Variants in PIK3C2G observed in about 807,000 individuals in gnomAD.
The protein encoded by PIK3C2G is phosphatidylinositol 3-kinase C2 domain-containing subunit gamma.
PIK3C2G carries 168 observed loss-of-function variants against 181.1 expected under a neutral mutation model. That is an observed-to-expected ratio of 0.93 (90% CI 0.82 to 1.05). The LOEUF is 1.05. Among genes scored for constraint, PIK3C2G ranks in the 50% least tolerant of loss-of-function variants. The probability of loss-of-function intolerance (pLI) is 0.00; values close to 1 mark genes in which losing one functional copy is unlikely to be tolerated. For synonymous variants in PIK3C2G, 573 were observed against 592.2 expected (o/e 0.97, Z 0.47); for missense variants, 1,869 against 1,732.8 (o/e 1.08, Z -1.40).
At chr12:18,430,498 T>C (rs1425292267) in intron 18 of PIK3C2G, among the ~76,000 whole-genome samples, 2 of 152,168 alleles carry the variant, frequency 1.3e-5, no homozygotes, top group Non-Finnish European at 2.9e-5. Flanking sequence ...CACTGATATA[T>C]CACAAGTACC....
chr12:18,280,822 T>C (rs1949180920), intron 1 of PIK3C2G, among the ~76,000 whole-genome samples: 1 of 151,758 alleles, frequency 6.6e-6, no homozygotes, highest in Non-Finnish European at 1.5e-5. Flanking sequence ...AGTGAAAATA[T>C]GAAAGCTTTA....
intron 16 of PIK3C2G, among the ~76,000 whole-genome samples, chr12:18,414,141 A>G (rs1028664934): frequency 3.3e-5 from 5 of 152,126 alleles, no homozygotes; most frequent in Admixed American, 6.6e-5. Context: ...TAAAAAGTAG[A>G]ATGCTTGCTC....
the PIK3C2G span, among the ~76,000 whole-genome samples, chr12:18,702,275 G>A: frequency 6.6e-6 from 1 of 151,752 alleles, no homozygotes; most frequent in African/African-American, 2.4e-5. Flanking sequence ...AATTTCTTCT[G>A]TATTACACAT....
chr12:18,497,459 C>T (rs1394141802), intron 21 of PIK3C2G, among the ~76,000 whole-genome samples, 160 bp from the exon 22 acceptor site: 2 of 152,032 alleles, frequency 1.3e-5, no homozygotes, highest in Non-Finnish European at 2.9e-5. Flanking sequence ...TTTTTTTTAT[C>T]AGAAACACAA....
chr12:18,661,813 G>T, the PIK3C2G span, among the ~76,000 whole-genome samples: 1 of 152,096 alleles, frequency 6.6e-6, no homozygotes, highest in Admixed American at 6.6e-5. Context: ...AATATAAATT[G>T]TTCTACCGTT....
intron 8 of PIK3C2G, among the ~76,000 whole-genome samples, chr12:18,336,444 T>G (rs183968271): frequency 4.8e-4 from 73 of 152,262 alleles, no homozygotes; most frequent in African/African-American, 1.7e-3. Flanking sequence ...TTCCAATTTG[T>G]TTAGTACTTT....
At chr12:18,336,562 A>T (rs1392010162) in intron 8 of PIK3C2G, among the ~76,000 whole-genome samples, 1 of 152,090 alleles carries the variant, frequency 6.6e-6, no homozygotes. Flanking sequence ...ATTCTATTTA[A>T]TTGTGAACTG....
upstream of PIK3C2G, among the ~76,000 whole-genome samples, chr12:18,243,011 C>T (rs1369830652): frequency 6.6e-6 from 1 of 152,108 alleles, no homozygotes; most frequent in Non-Finnish European, 1.5e-5. Flanking sequence ...GGCATTTCTA[C>T]TGGCCAGAGA....
chr12:18,410,452 C>T (rs554453462), intron 16 of PIK3C2G, among the ~76,000 whole-genome samples: 13 of 150,384 alleles, frequency 8.6e-5, no homozygotes, highest in African/African-American at 3.2e-4. Flanking sequence ...TTGCAGTGAG[C>T]CAAGATTGCG....
the PIK3C2G span, among the ~76,000 whole-genome samples, chr12:18,654,062 A>G: frequency 6.6e-6 from 1 of 152,206 alleles, no homozygotes; most frequent in East Asian, 1.9e-4. Flanking sequence ...GGAAAATAAA[A>G]TAGAATGTGT....
the PIK3C2G span, among the ~76,000 whole-genome samples, chr12:18,669,692 C>G: frequency 2.0e-5 from 3 of 151,972 alleles, no homozygotes; most frequent in Non-Finnish European, 4.4e-5. Flanking sequence ...GATTCTCGCT[C>G]TGTCACCCAG....
At chr12:18,472,345 G>T (rs896199686) in intron 18 of PIK3C2G, among the ~76,000 whole-genome samples, 2 of 152,102 alleles carry the variant, frequency 1.3e-5, no homozygotes. Context: ...TGTGTCCAAA[G>T]ACGTTCTTTA....
chr12:18,548,198 A>G (rs548316285), intron 26 of PIK3C2G, among the ~76,000 whole-genome samples: 1 of 151,988 alleles, frequency 6.6e-6, no homozygotes, highest in East Asian at 2.0e-4. Context: ...GGCAGACACA[A>G]TGATTGACAT....
intron 30 of PIK3C2G, among the ~76,000 whole-genome samples, chr12:18,609,104 A>G (rs1295115739): frequency 6.6e-6 from 1 of 152,114 alleles, no homozygotes; most frequent in Non-Finnish European, 1.5e-5. Context: ...TATAAAGTTG[A>G]TTAATTTAGT....
intron 29 of PIK3C2G, among the ~76,000 whole-genome samples, chr12:18,593,993 A>G (rs901625783): frequency 2.6e-5 from 4 of 151,912 alleles, no homozygotes; most frequent in Admixed American, 6.6e-5. Context: ...TAATTTTACT[A>G]TGTACAGAGA....
At chr12:18,691,020 A>G in the PIK3C2G span, among the ~76,000 whole-genome samples, 1 of 152,218 alleles carries the variant, frequency 6.6e-6, no homozygotes, top group Admixed American at 6.5e-5. Flanking sequence ...GGACTGAGAC[A>G]GGCTACCTGA....
intron 18 of PIK3C2G, among the ~76,000 whole-genome samples, chr12:18,486,159 C>G (rs1940007410): frequency 6.6e-6 from 1 of 152,174 alleles, no homozygotes; most frequent in African/African-American, 2.4e-5. Context: ...AAAACAAACT[C>G]TCTACACATT....
intron 1 of PIK3C2G, among the ~76,000 whole-genome samples, chr12:18,265,105 C>T (rs991661490): frequency 1.3e-5 from 2 of 152,076 alleles, no homozygotes; most frequent in African/African-American, 2.4e-5. Flanking sequence ...TATACATGTG[C>T]GTGGCTATTT....
intron 13 of PIK3C2G, among the ~76,000 whole-genome samples, chr12:18,375,269 A>C (rs1388745800): frequency 6.6e-6 from 1 of 152,242 alleles, no homozygotes; most frequent in African/African-American, 2.4e-5. Context: ...GTTGGCAATA[A>C]GGAACTTATT....
Sources: gnomAD v4.1 joint callset for allele counts (sites outside exome capture counted in the v4.1 genomes callset) on GRCh38, gnomAD v4.1.1 for gene constraint, MANE v1.5 for transcripts, NCBI Gene and HGNC (gene_info 2026-07-23, HGNC 2026-07-21) for gene names.